The following DPY30 variants were observed in gnomAD, a reference collection of about 807,000 sequenced individuals.
DPY30 encodes the protein dpy-30 histone methyltransferase complex regulatory subunit.
DPY30 carries 6 observed loss-of-function variants against 16.2 expected under a neutral mutation model. The observed-to-expected ratio is 0.37, with a 90% CI of 0.20 to 0.73. DPY30 has a LOEUF of 0.73. DPY30 is among the 30% of genes least tolerant of loss of function. DPY30 has a pLI of 0.51. For missense variants in DPY30, 73 were observed against 113.1 expected (o/e 0.65, Z 1.61); for synonymous variants, 39 against 38.8 (o/e 1.00, Z -0.02).
At chr2:32,023,711 A>T, downstream of DPY30, 1 of 1,303,930 alleles carries the variant, frequency 7.7e-7, no homozygotes, top group Non-Finnish European at 1.0e-6. Flanking sequence ...AGATGCCCAG[A>T]TCCCACCCTC....
downstream of DPY30, among the ~76,000 whole-genome samples, chr2:32,022,479 G>A (rs1675206582): frequency 6.6e-6 from 1 of 151,606 alleles, no homozygotes; most frequent in Non-Finnish European, 1.5e-5. Context: ...AAAATTATAA[G>A]GCATACCTAA....
In DPY30 at chr2:32,027,054, C is replaced by T. The variant is rs544342033; in HGVS notation, c.227+2540G>A. 4.6e-5 allele frequency among the ~76,000 whole-genome samples: 7 copies of T among 151,360 alleles called. No individual in the cohort carries two copies. The South Asian group carries it at 1.2e-3, about 27-fold the overall frequency. The stretch of plus-strand genomic sequence containing the variant: ...ATTTTGGGAGGCCAATGAGGGCAGA[C>T]CACCTGAGGTCAGGAGTTAGAGACC... On this transcript the variant is annotated intron_variant, in intron 4 of 4. Coordinates refer to ENST00000342166, the MANE Select transcript of DPY30 (RefSeq NM_001321209.2).
rs190808992 is a variant in DPY30, at chr2:32,030,741, G to A, written c.85-1005C>T. On this transcript the variant is annotated intron_variant, in intron 3 of 4. Coordinates refer to ENST00000342166, the MANE Select transcript of DPY30 (RefSeq NM_001321209.2). ...TTGAGCCCAGGAGACGGAGGTTGCAGTGAGACGAGATCATGCCACTGTACT... is the reference window on the plus strand; with the variant it reads ...TTGAGCCCAGGAGACGGAGGTTGCAATGAGACGAGATCATGCCACTGTACT... 4.5e-3 allele frequency among the ~76,000 whole-genome samples: 685 copies of A among 152,142 alleles called. 5 individuals are homozygous for A. Among genetic ancestry groups the A allele is most frequent in the Non-Finnish European group, 6.3e-3 (428 of 68,000 alleles).
Position 32,039,211 on chromosome 2 carries a change from G to C in DPY30, c.84+68C>G, listed in dbSNP as rs1014172006. On this transcript the variant is annotated intron_variant, in intron 3 of 4. Coordinates refer to ENST00000342166, the MANE Select transcript of DPY30 (RefSeq NM_001321209.2). ...CCTTGTGCATAGCCACCTAGTAAAA[G>C]CAGATCCCAAGTTTTCTCCAGCTTG... The C allele has an allele frequency of 5.6e-6, 9 of 1,599,816 alleles. No individual in the cohort carries two copies. In the South Asian group the frequency reaches 6.6e-5, roughly 12 times the overall value.
intron 3 of DPY30, among the ~76,000 whole-genome samples, chr2:32,030,400 G>T (rs1206430597): frequency 6.6e-6 from 1 of 152,124 alleles, no homozygotes; most frequent in Non-Finnish European, 1.5e-5. Flanking sequence ...GGAGGCCGAG[G>T]CGGGCAGATC....
rs1422451168 is a variant in DPY30, at chr2:32,029,806, T to G, written c.85-70A>C. The stretch of plus-strand genomic sequence containing the variant: ...GGTTATTTTGAGTGCTAAACAAAAC[T>G]AATGGAAATATGACACTAATAGAAA... On this transcript the variant is annotated intron_variant, in intron 3 of 4. Coordinates refer to ENST00000342166, the MANE Select transcript of DPY30 (RefSeq NM_001321209.2). 2.6e-6 allele frequency: 4 copies of G among 1,543,538 alleles called. No homozygotes were observed. In the African/African-American group the frequency reaches 5.4e-5, roughly 21 times the overall value.
At chr2:32,032,377 C>CT (rs1183994237) in intron 3 of DPY30, among the ~76,000 whole-genome samples, 2 of 152,208 alleles carry the variant, frequency 1.3e-5, no homozygotes, top group African/African-American at 4.8e-5. Context: ...GCAGAAAACA[C>CT]TATACAACTT....
At chr2:32,012,130 T>C (rs1422082326) in intron 5 of DPY30, 1 of 152,212 alleles carries the variant, frequency 6.6e-6, no homozygotes, top group African/African-American at 2.4e-5. Context: ...CCAGAGTAGA[T>C]GACTGGCTGT....
At chr2:32,014,530 C>T (rs1363626658) in intron 5 of DPY30, among the ~76,000 whole-genome samples, 1 of 150,794 alleles carries the variant, frequency 6.6e-6, no homozygotes, top group Admixed American at 6.6e-5. Context: ...GTTGCCCAGG[C>T]TGGAGTGCAG....
chr2:32,029,661 G>A lies in DPY30; in HGVS notation c.160C>T (p.Arg54Cys), dbSNP rs1356581834. 2 of 1,613,746 alleles carry A rather than the reference G, an allele frequency of 1.2e-6. No homozygotes were observed. The highest frequency in any genetic ancestry group is 1.7e-6 in the Non-Finnish European group (2 of 1,179,936). Residue 54 changes from arginine (R) to cysteine (C), a missense_variant, in exon 4 of 5, where the codon CGT becomes TGT. Coordinates refer to ENST00000342166, the MANE Select transcript of DPY30 (RefSeq NM_001321209.2). The stretch of plus-strand genomic sequence containing the variant: ...ACAACTGTCTGATCCAGGTAGGCAC[G>A]AGTTGGCAAAGACTGGAGATCTACC... ...QKVDLQSLPT[R>C]AYLDQTVVPI... is the part of the protein sequence containing the mutation.
chr2:32,036,426 C>A (rs887201956), intron 3 of DPY30, among the ~76,000 whole-genome samples: 5 of 152,048 alleles, frequency 3.3e-5, no homozygotes, highest in Non-Finnish European at 7.4e-5. Flanking sequence ...AATCCCAGCA[C>A]TTTGGGAGGC....
rs186160281 is a variant in DPY30, at chr2:32,030,025, C to T, written c.85-289G>A. On this transcript the variant is annotated intron_variant, in intron 3 of 4. Transcript: ENST00000342166. The stretch of plus-strand genomic sequence containing the variant: ...GACTTTGCAGGAGTAAATACAAATC[C>T]TTTTTCTCTTTTTCATGTATCTTCT... 5.7e-3 allele frequency among the ~76,000 whole-genome samples: 859 copies of T among 149,910 alleles called. 3 individuals are homozygous for T. The highest frequency in any genetic ancestry group is 9.7e-3 in the Non-Finnish European group (656 of 67,724).
At chr2:32,023,573 A>G (rs1453275950), downstream of DPY30, 3 of 590,370 alleles carry the variant, frequency 5.1e-6, no homozygotes, top group Admixed American at 2.4e-5. Flanking sequence ...TAGGAATGCA[A>G]TAAATTACAG....
At chr2:32,033,284 G>C (rs979366148) in intron 3 of DPY30, among the ~76,000 whole-genome samples, 1 of 151,700 alleles carries the variant, frequency 6.6e-6, no homozygotes, top group Non-Finnish European at 1.5e-5. Context: ...CTCCAGCCTG[G>C]GTGACAGAGA....
At chr2:32,037,278 T>C (rs1004346429) in intron 3 of DPY30, among the ~76,000 whole-genome samples, 1 of 152,166 alleles carries the variant, frequency 6.6e-6, no homozygotes, top group African/African-American at 2.4e-5. Context: ...TCTCCTTTTT[T>C]TGTATTGTTT....
chr2:32,029,778 C>G, intron 3 of DPY30, 42 bp from the exon 4 acceptor site: 1 of 1,607,322 alleles, frequency 6.2e-7, no homozygotes, highest in Non-Finnish European at 8.5e-7. Flanking sequence ...TTTCAAATAA[C>G]CAGGTTATTT....
chr2:32,024,086 A>C lies in DPY30; in HGVS notation c.*98T>G, dbSNP rs748332896. On this transcript the variant is annotated 3_prime_UTR_variant, in exon 5 of 5. Coordinates refer to ENST00000342166, the MANE Select transcript of DPY30 (RefSeq NM_001321209.2). ...AGGTTCTGTTGTCCGGAAGGTTCTT[A>C]TACATCCAAAAAGAGGGAATGATCA... 6.5e-7 allele frequency: 1 copy of C among 1,532,880 alleles called. No homozygotes were observed. The highest frequency in any genetic ancestry group is 8.7e-7 in the Non-Finnish European group (1 of 1,144,270). 95.0% of individuals were successfully genotyped at this position (1,532,880 alleles called of 1,614,324 possible).
At chr2:32,019,896 G>GTA (rs1192997738), downstream of DPY30, among the ~76,000 whole-genome samples, 1 of 140,102 alleles carries the variant, frequency 7.1e-6, no homozygotes, top group Non-Finnish European at 1.6e-5. Flanking sequence ...GTATATGTGT[G>GTA]TATATATATA....
chr2:32,015,564 G>T (rs1031407619), intron 5 of DPY30, among the ~76,000 whole-genome samples: 1 of 151,972 alleles, frequency 6.6e-6, no homozygotes, highest in Non-Finnish European at 1.5e-5. Context: ...AAAGATATAA[G>T]GAGCCAGGCA....
Sources: allele counts gnomAD v4.1 joint callset (sites outside exome capture counted in the v4.1 genomes callset), GRCh38; gene constraint gnomAD v4.1.1; transcripts MANE v1.5; gene names NCBI Gene and HGNC (gene_info 2026-07-23, HGNC 2026-07-21).